POLR3A: variants seen among roughly 807,000 people sequenced by gnomAD.
The protein encoded by POLR3A is DNA-directed RNA polymerase III subunit RPC1.
Under a neutral mutation model 152.8 loss-of-function variants are expected in POLR3A, and 112 were observed. The ratio of observed to expected loss-of-function variants is 0.73; its 90% confidence interval spans 0.63 to 0.86. POLR3A has a LOEUF of 0.86. POLR3A is among the 40% of genes least tolerant of loss of function. POLR3A has a pLI of 0.00. For synonymous variants in POLR3A, 615 were observed against 652.1 expected (o/e 0.94, Z 0.87); for missense variants, 1,385 against 1,743.1 (o/e 0.79, Z 3.66).
intron 11 of POLR3A, among the ~76,000 whole-genome samples, chr10:78,011,441 A>G (rs1847465746): frequency 1.3e-5 from 2 of 152,320 alleles, no homozygotes; most frequent in South Asian, 2.1e-4. Context: ...TCTAATCTTG[A>G]TATGAAAATG....
intron 30 of POLR3A, 56 bp from the exon 31 acceptor site, chr10:77,977,682 C>T (rs924290257): frequency 1.7e-5 from 24 of 1,451,954 alleles, no homozygotes; most frequent in African/African-American, 1.4e-4. Flanking sequence ...TACATTTTCA[C>T]GAAGAAAGAC....
chr10:77,999,880 T>C (rs1847339270), intron 19 of POLR3A, 101 bp downstream of exon 19: 2 of 1,172,456 alleles, frequency 1.7e-6, no homozygotes, highest in Admixed American at 3.7e-5. Flanking sequence ...AACCCAAGAC[T>C]AGATAAATTA....
intron 1 of POLR3A, 127 bp from the exon 2 acceptor site, chr10:78,026,356 A>G (rs1847634756): frequency 2.3e-6 from 2 of 885,384 alleles, no homozygotes; most frequent in Non-Finnish European, 1.8e-6. Flanking sequence ...TACCAGTATT[A>G]AATATATTTA....
chr10:78,008,075 G>C (rs1386293085), intron 14 of POLR3A, among the ~76,000 whole-genome samples: 2 of 152,118 alleles, frequency 1.3e-5, no homozygotes, highest in African/African-American at 2.4e-5. Flanking sequence ...ACTCCAGTTA[G>C]TGTGTAGTCC....
Position 78,004,705 on chromosome 10 carries a change from G to T in POLR3A, c.2247+11C>A. ...GCAAGTGGCGACCCTGAACCAAAGG[G>T]CCGGGCTCACCTCCAGGGTCTCCTC... On this transcript the variant is annotated intron_variant, in intron 16 of 30. Coordinates refer to ENST00000372371, the MANE Select transcript of POLR3A (RefSeq NM_007055.4). 1.2e-6 allele frequency: 2 copies of T among 1,609,570 alleles called. No individual in the cohort carries two copies. Among genetic ancestry groups the T allele is most frequent in the Non-Finnish European group, 8.5e-7 (1 of 1,178,480 alleles).
At position 77,982,246 on chromosome 10, in the gene POLR3A, A is replaced by G; in HGVS notation, c.3667T>C (p.Tyr1223His). 2 of 1,613,676 alleles carry G rather than the reference A, an allele frequency of 1.2e-6. No homozygotes were observed. Among genetic ancestry groups the G allele is most frequent in the Non-Finnish European group, 1.7e-6 (2 of 1,179,876 alleles). The change falls in exon 28 of 31, where the codon TAC (tyrosine) becomes CAC (histidine). Residue 1223 changes from tyrosine to histidine, a missense_variant. Tyr to His is a moderately conservative substitution (Grantham distance 83). Transcript: ENST00000372371. ...TTATCACCTTCCACCAGAAGCTTGT[A>G]CTTCTCCTTTCCACTCTGCTCGTCA... ...HIDEQSGKEK[Y>H]KLLVEGDNLR...
Position 78,029,401 on chromosome 10 carries a change from T to G in POLR3A, c.7A>C (p.Lys3Gln). ...ACATCCGTCTCCCGGAACTGCTCCT[T>G]CACCATGATGACCGCTGCCGGGACG... is the stretch of plus-strand genomic sequence containing the variant. MV[K>Q]EQFRETDVAK... The change falls in exon 1 of 31, where the codon AAG (lysine) becomes CAG (glutamine). Residue 3 changes from lysine to glutamine, a missense_variant. Around this residue, in one of 7 missense-constraint regions of POLR3A, gnomAD observed 493 missense variants for 647.5 expected, o/e 0.76. Coordinates refer to ENST00000372371, the MANE Select transcript of POLR3A (RefSeq NM_007055.4). 1 of 1,614,118 alleles carries G rather than the reference T, an allele frequency of 6.2e-7. No homozygotes were observed. The highest frequency in any genetic ancestry group is 8.5e-7 in the Non-Finnish European group (1 of 1,180,030).
rs1434978362 is a variant in POLR3A at position 77,985,911 on chromosome 10, C to T, written c.3063G>A (p.Lys1021=). Residue 1021 remains lysine, a synonymous_variant, in exon 23 of 31, where the codon AAG becomes AAA. Transcript: ENST00000372371. ...GACAAAAGCATCCCTACCTCATGTA[C>T]TTGTCCCTACAGGTCTCCAGAAACT... ...VEKFLETCRD[K]YMRAQMEPGS... 6.2e-7 allele frequency: 1 copy of T among 1,613,198 alleles called. No individual in the cohort carries two copies. Among genetic ancestry groups the T allele is most frequent in the Non-Finnish European group, 8.5e-7 (1 of 1,179,126 alleles).
chr10:77,986,234 C>T (rs1168610412), intron 21 of POLR3A, 75 bp from the exon 22 acceptor site: 4 of 827,158 alleles, frequency 4.8e-6, no homozygotes, highest in East Asian at 4.8e-5. Flanking sequence ...TCATAAACCT[C>T]AGTTGTATAT....
chr10:77,987,141 C>G (rs1042467404), intron 21 of POLR3A, among the ~76,000 whole-genome samples: 4 of 152,158 alleles, frequency 2.6e-5, no homozygotes. Context: ...TCATCACGGA[C>G]TACAGACTGG....
Position 77,981,511 on chromosome 10 carries a change from C to G in POLR3A, c.3808G>C (p.Glu1270Gln). 1 of 1,614,036 alleles carries G rather than the reference C, an allele frequency of 6.2e-7. No individual in the cohort carries two copies. The highest frequency in any genetic ancestry group is 1.7e-5 in the Admixed American group (1 of 60,014). ...IEAARTTIINEIQYTMVNHGM... is the reference protein window; with the variant it reads ...IEAARTTIINQIQYTMVNHGM... Reference sequence around the variant, plus strand: ...TGGTTCACCATGGTGTACTGGATTTCATTGATGATCGTTGTCCGGGCGGCC... The same window carrying G: ...TGGTTCACCATGGTGTACTGGATTTGATTGATGATCGTTGTCCGGGCGGCC... The change falls in exon 29 of 31, where the codon GAA becomes CAA. Residue 1270 changes from glutamate (E) to glutamine (Q), a missense_variant. By Grantham distance (29) the Glu-to-Gln change is conservative (BLOSUM62 2). This residue lies in a region of POLR3A where 332 missense variants were observed against 400.1 expected (regional missense o/e 0.83). Transcript: ENST00000372371.
At chr10:78,014,161 A>G (rs1847494710) in intron 10 of POLR3A, among the ~76,000 whole-genome samples, 2 of 152,010 alleles carry the variant, frequency 1.3e-5, no homozygotes, top group South Asian at 4.2e-4. Context: ...CATCTCAAAA[A>G]AAGAAAAAAA....
chr10:77,991,223 A>G (rs1016623210), intron 20 of POLR3A, 56 bp from the exon 21 acceptor site: 1 of 935,768 alleles, frequency 1.1e-6, no homozygotes, highest in African/African-American at 1.6e-5. Flanking sequence ...AGCAGGCGGT[A>G]GTAGATGAGA....
In POLR3A at chr10:77,994,248, G is replaced by C. The variant is rs930478111; in HGVS notation, c.2617-881C>G. 1.1e-4 allele frequency among the ~76,000 whole-genome samples: 17 copies of C among 152,218 alleles called. No individual in the cohort carries two copies. In the East Asian group the frequency reaches 3.3e-3, roughly 29 times the overall value. ...CGATTAAAGGTATCAGATGATACACGAGCTACAGGAGAGATGATGGAAATA... is the reference window on the plus strand; with the variant it reads ...CGATTAAAGGTATCAGATGATACACCAGCTACAGGAGAGATGATGGAAATA... On this transcript the variant is annotated intron_variant, in intron 19 of 30. Transcript: ENST00000372371.
chr10:78,024,305 A>G (rs1286134556), intron 5 of POLR3A, among the ~76,000 whole-genome samples: 1 of 150,820 alleles, frequency 6.6e-6, no homozygotes, highest in Non-Finnish European at 1.5e-5. Context: ...CACAGGTTGC[A>G]GTGAACCAAG....
At chr10:77,997,301 G>T (rs979871976) in intron 19 of POLR3A, among the ~76,000 whole-genome samples, 1 of 152,076 alleles carries the variant, frequency 6.6e-6, no homozygotes, top group African/African-American at 2.4e-5. Context: ...AGTGTTGGAA[G>T]TTCTGGCCAG....
In POLR3A at chr10:78,022,329, T is replaced by A. The variant is rs375183429; in HGVS notation, c.701A>T (p.Asp234Val). ...TGGGTTCATCAGAAGTAGAGGAACA[T>A]CTTCAGCTGGGATTCGTTTAAATAA... ...LNLFKRIPAE[D>V]VPLLLMNPEA... The change falls in exon 6 of 31, where the codon GAT (aspartate) becomes GTT (valine). Residue 234 changes from aspartate (D) to valine (V), a missense_variant. Physicochemically the swap from Asp to Val is radical, Grantham distance 152 (BLOSUM62 -3). Transcript: ENST00000372371. 6.5e-5 allele frequency: 105 copies of A among 1,613,978 alleles called. 1 individual carries two copies. Among genetic ancestry groups the A allele is most frequent in the Non-Finnish European group, 8.7e-5 (103 of 1,179,966 alleles).
intron 13 of POLR3A, 32 bp downstream of exon 13, chr10:78,009,832 C>A (rs1396985433): frequency 1.9e-6 from 3 of 1,612,934 alleles, no homozygotes; most frequent in Non-Finnish European, 2.5e-6. Flanking sequence ...CATACACACA[C>A]CTGTGCACCA....
At chr10:77,991,230 GA>G (rs1288192496) in intron 20 of POLR3A, 63 bp from the exon 21 acceptor site, 1 of 906,784 alleles carries the variant, frequency 1.1e-6, no homozygotes, top group East Asian at 2.4e-5. Context: ...GGTAGTAGAT[GA>G]GAGAACTTAC....
Sources: allele counts gnomAD v4.1 joint callset (sites outside exome capture counted in the v4.1 genomes callset), GRCh38; gene constraint gnomAD v4.1.1; regional missense constraint gnomAD v4.1.1; transcripts MANE v1.5; gene names NCBI Gene and HGNC (gene_info 2026-07-23, HGNC 2026-07-21).